Variants in ANLN observed in about 807,000 individuals in gnomAD.
ANLN encodes the protein anillin.
A neutral mutation model predicts 135.1 loss-of-function variants in ANLN; 59 were observed. That is an observed-to-expected ratio of 0.44 (90% CI 0.35 to 0.54). The LOEUF is 0.54. Ranked by LOEUF, ANLN falls within the 20% of genes least tolerant of loss-of-function variation. ANLN has a pLI of 0.00. For synonymous variants in ANLN, 406 were observed against 456.4 expected (o/e 0.89, Z 1.41); for missense variants, 1,182 against 1,340.0 (o/e 0.88, Z 1.84).
At position 36,406,391 on chromosome 7, in the gene ANLN, C is replaced by G; in HGVS notation, c.698C>G (p.Ala233Gly). 1 of 1,613,436 alleles carries G rather than the reference C, an allele frequency of 6.2e-7. No individual in the cohort carries two copies. Among genetic ancestry groups the G allele is most frequent in the Non-Finnish European group, 8.5e-7 (1 of 1,179,410 alleles). ...QNSVQEQPGTACLSKFSSASG... is the reference protein window; with the variant it reads ...QNSVQEQPGTGCLSKFSSASG... ...AGTGTACAAGAACAGCCTGGTACCG[C>G]TTGTTTATCCAAATTTTCCTCTGCA... Residue 233 changes from alanine (A) to glycine (G), a missense_variant, in exon 4 of 24, where the codon GCT (alanine) becomes GGT (glycine). Coordinates refer to ENST00000265748, the MANE Select transcript of ANLN (RefSeq NM_018685.5).
chr7:36,421,768 A>G, intron 12 of ANLN, 89 bp from the exon 13 acceptor site: 1 of 1,249,776 alleles, frequency 8.0e-7, no homozygotes. Context: ...TCTAGAAACT[A>G]TCCAATCAAG....
chr7:36,390,075 G>GT, intron 1 of ANLN, 31 bp downstream of exon 1: 1 of 1,613,180 alleles, frequency 6.2e-7, no homozygotes, highest in Non-Finnish European at 8.5e-7. Flanking sequence ...AGCCAGCCAT[G>GT]ACCCACCGCT....
At chr7:36,429,738 A>C (rs1487352281) in intron 20 of ANLN, among the ~76,000 whole-genome samples, 2 of 152,208 alleles carry the variant, frequency 1.3e-5, no homozygotes, top group Non-Finnish European at 2.9e-5. Flanking sequence ...AGATTTCATT[A>C]ATCTCTAAAA....
chr7:36,418,751 TTTC>T (rs1051795951), intron 9 of ANLN, among the ~76,000 whole-genome samples: 1 of 135,298 alleles, frequency 7.4e-6, no homozygotes, highest in African/African-American at 2.6e-5. Context: ...CTTTTTCTTT[TTTC>T]TTTTTTTTTT....
intron 17 of ANLN, 73 bp downstream of exon 17, chr7:36,424,815 A>C: frequency 6.9e-7 from 1 of 1,443,062 alleles, no homozygotes; most frequent in Non-Finnish European, 9.4e-7. Context: ...GTTTTAATTT[A>C]TGTACAACTT....
intron 2 of ANLN, among the ~76,000 whole-genome samples, chr7:36,398,042 C>T (rs1786780490): frequency 6.6e-6 from 1 of 152,146 alleles, no homozygotes; most frequent in Non-Finnish European, 1.5e-5. Flanking sequence ...TTGGTCACTG[C>T]CAGAACATTT....
intron 22 of ANLN, among the ~76,000 whole-genome samples, chr7:36,447,670 C>T (rs1013576940): frequency 2.0e-5 from 3 of 152,188 alleles, no homozygotes; most frequent in Admixed American, 1.3e-4. Context: ...TCCTATAACT[C>T]AGAACGCTAC....
At chr7:36,393,859 C>T (rs1227665576) in intron 1 of ANLN, among the ~76,000 whole-genome samples, 1 of 152,180 alleles carries the variant, frequency 6.6e-6, no homozygotes, top group African/African-American at 2.4e-5. Flanking sequence ...AGTGCTTGTT[C>T]AGCTACTAGA....
intron 20 of ANLN, among the ~76,000 whole-genome samples, chr7:36,427,835 C>G (rs1788150138): frequency 6.6e-6 from 1 of 152,042 alleles, no homozygotes; most frequent in East Asian, 1.9e-4. Flanking sequence ...ACTATTGAGT[C>G]TTTTTTTCAC....
rs557925180 is a variant in ANLN at position 36,436,281 on chromosome 7, A to G, written c.2884-2923A>G. On this transcript the variant is annotated intron_variant, in intron 20 of 23. Coordinates refer to ENST00000265748, the MANE Select transcript of ANLN (RefSeq NM_018685.5). ...TGTTTCGGAAGTACATCCATGATGT[A>G]GCATGTATTAGAACTTCATTTCTTT... 3.3e-5 allele frequency among the ~76,000 whole-genome samples: 5 copies of G among 152,350 alleles called. No homozygotes were observed. The South Asian group carries it at 1.0e-3, about 32-fold the overall frequency.
In ANLN at chr7:36,414,563, G is replaced by C. The variant is rs1244305597; in HGVS notation, c.1396-1195G>C. Among the ~76,000 whole-genome samples the C allele has an allele frequency of 1.3e-5, 2 of 152,142 alleles. 1 individual carries two copies. The highest frequency in any genetic ancestry group is 4.1e-4 in the South Asian group (2 of 4,832). On this transcript the variant is annotated intron_variant, in intron 7 of 23. Transcript: ENST00000265748. ...CCTTAGGAAAGGGAAGGTGACAGGG[G>C]AAATACTGTATGGAGGAAAGAAGAG...
chr7:36,438,293 T>C (rs1277206433), intron 20 of ANLN, among the ~76,000 whole-genome samples: 2 of 152,204 alleles, frequency 1.3e-5, no homozygotes, highest in Admixed American at 1.3e-4. Flanking sequence ...GGCCATAAGA[T>C]GTATGGCTTT....
At chr7:36,435,551 A>G (rs1369002524) in intron 20 of ANLN, among the ~76,000 whole-genome samples, 2 of 152,078 alleles carry the variant, frequency 1.3e-5, no homozygotes, top group Non-Finnish European at 2.9e-5. Context: ...TTTTGAATCT[A>G]ATTTCTTTTG....
chr7:36,447,430 T>TC (rs1473050600), intron 22 of ANLN, among the ~76,000 whole-genome samples: 2 of 148,424 alleles, frequency 1.3e-5, no homozygotes, highest in African/African-American at 5.0e-5. Flanking sequence ...TTTTTTTTTT[T>TC]TTTTTTTTTT....
chr7:36,394,708 G>C (rs1204918691), intron 1 of ANLN, among the ~76,000 whole-genome samples: 1 of 151,896 alleles, frequency 6.6e-6, no homozygotes, highest in East Asian at 1.9e-4. Context: ...TTAAAAAATT[G>C]TTACTGTATT....
intron 22 of ANLN, among the ~76,000 whole-genome samples, chr7:36,448,004 TG>T (rs1789085232): frequency 6.6e-6 from 1 of 152,024 alleles, no homozygotes; most frequent in Non-Finnish European, 1.5e-5. Flanking sequence ...TATACATATA[TG>T]TTTCACTTTT....
intron 9 of ANLN, 103 bp from the exon 10 acceptor site, chr7:36,419,140 AT>A (rs1787767259): frequency 4.0e-6 from 3 of 754,692 alleles, no homozygotes; most frequent in Non-Finnish European, 6.1e-6. Context: ...TTTTTAAGGC[AT>A]TTTTTCCTAT....
rs1789298996 is a variant in ANLN, at chr7:36,452,722, A to G, written c.*122A>G. 4.5e-6 allele frequency: 5 copies of G among 1,121,466 alleles called. No individual in the cohort carries two copies. Among genetic ancestry groups the G allele is most frequent in the Non-Finnish European group, 6.4e-6 (5 of 778,438 alleles). 69.5% of individuals were successfully genotyped at this position (1,121,466 alleles called of 1,614,324 possible). Reference sequence around the variant, plus strand: ...TACGAAAGGGTTTGTGCCAATATTCACTACGTATTATGCAGTATTTATATC... The same window carrying G: ...TACGAAAGGGTTTGTGCCAATATTCGCTACGTATTATGCAGTATTTATATC... On this transcript the variant is annotated 3_prime_UTR_variant, in exon 24 of 24. Transcript: ENST00000265748.
At chr7:36,419,927 A>C (rs1583623985) in intron 10 of ANLN, among the ~76,000 whole-genome samples, 1 of 152,178 alleles carries the variant, frequency 6.6e-6, no homozygotes, top group African/African-American at 2.4e-5. Flanking sequence ...CCTCAATTGA[A>C]TAACTGCAGC....
Sources: gnomAD v4.1 joint callset for allele counts (sites outside exome capture counted in the v4.1 genomes callset) on GRCh38, gnomAD v4.1.1 for gene constraint, MANE v1.5 for transcripts, NCBI Gene and HGNC (gene_info 2026-07-23, HGNC 2026-07-21) for gene names.